Variants in FAAH2 observed in about 807,000 individuals in gnomAD.
FAAH2 encodes fatty acid amide hydrolase 2.
Under a neutral mutation model 36.9 loss-of-function variants are expected in FAAH2, and 60 were observed. The ratio of observed to expected loss-of-function variants is 1.63; its 90% CI spans 1.32 to 2.02. FAAH2 has a LOEUF of 2.02. Among genes scored for constraint, FAAH2 ranks in the 30% most tolerant of loss-of-function variants. The probability of loss-of-function intolerance (pLI) is 0.00; values close to 1 mark genes in which losing one functional copy is unlikely to be tolerated. For synonymous variants in FAAH2, 214 were observed against 143.8 expected, an observed-to-expected ratio of 1.49 and a Z score of -3.49; for missense variants, 689 against 397.5, an observed-to-expected ratio of 1.73 and a Z score of -6.23.
the FAAH2 span, chrX:57,121,703 G>A: frequency 8.9e-6 from 1 of 112,220 alleles, no homozygotes; most frequent in East Asian, 2.8e-4. Context: ...CAAATCCGGA[G>A]TAGTTCGTGC....
chrX:57,364,782 T>G (rs1276409737), intron 5 of FAAH2, among the ~76,000 whole-genome samples: 2 of 111,338 alleles, frequency 1.8e-5, no homozygotes, highest in Admixed American at 9.6e-5. Context: ...AAAAGTTTTT[T>G]TGGTTACTGC....
chrX:57,288,412 C>T (rs1010880534), intron 1 of FAAH2, among the ~76,000 whole-genome samples: 1 of 85,863 alleles, frequency 1.2e-5, no homozygotes, highest in Admixed American at 1.7e-4. Flanking sequence ...TGCAGTGGTG[C>T]GATCTTCGCT....
intron 10 of FAAH2, among the ~76,000 whole-genome samples, chrX:57,461,077 G>C (rs1391563722): frequency 9.1e-6 from 1 of 110,495 alleles, no homozygotes; most frequent in East Asian, 2.8e-4. Flanking sequence ...ATGGTAAAAT[G>C]ATCAATGTAA....
At chrX:57,346,539 G>T (rs1033275138) in intron 5 of FAAH2, among the ~76,000 whole-genome samples, 2 of 112,018 alleles carry the variant, frequency 1.8e-5, no homozygotes, top group African/African-American at 6.5e-5. Context: ...TCCTTGAAGA[G>T]AGCAGATGGT....
At chrX:57,411,837 G>C (rs764966427) in intron 7 of FAAH2, among the ~76,000 whole-genome samples, 47 of 111,821 alleles carry the variant, frequency 4.2e-4, no homozygotes, top group Admixed American at 4.0e-3. Flanking sequence ...TTTACTCTTG[G>C]AGTTTTTTGT....
chrX:57,410,149 G>A (rs1234503281), intron 7 of FAAH2, among the ~76,000 whole-genome samples: 1 of 109,804 alleles, frequency 9.1e-6, no homozygotes, highest in East Asian at 2.8e-4. Context: ...AAGGATATTT[G>A]TTTATTTCTA....
rs745808372 is a variant in FAAH2 at position 57,373,983 on chromosome X, T to C, written c.743-4668T>C. Among the ~76,000 whole-genome samples, 14 of 111,455 alleles carry C rather than the reference T, an allele frequency of 1.3e-4. No individual in the cohort carries two copies. The South Asian group carries it at 5.3e-3, about 42-fold the overall frequency. On this transcript the variant is annotated intron_variant, in intron 5 of 10. Transcript: ENST00000374900. ...TTATTTGTTGAATAGGGTGTCCTTT[T>C]CCCACTTTAGGTTTTTGTTTGCTTT... is the stretch of plus-strand genomic sequence containing the variant.
intron 3 of FAAH2, among the ~76,000 whole-genome samples, chrX:57,317,436 A>T (rs1602252064): frequency 8.9e-6 from 1 of 112,205 alleles, no homozygotes; most frequent in African/African-American, 3.2e-5. Flanking sequence ...TTACATAATC[A>T]TAAAGGGACT....
At chrX:57,292,673 T>C in intron 2 of FAAH2, 93 bp downstream of exon 2, 1 of 702,276 alleles carries the variant, frequency 1.4e-6, no homozygotes, top group Non-Finnish European at 2.1e-6. Context: ...TAGATTCTTC[T>C]TTCTCTTTGT....
At chrX:57,183,526 TG>T in the FAAH2 span, among the ~76,000 whole-genome samples, 1 of 111,871 alleles carries the variant, frequency 8.9e-6, no homozygotes, top group South Asian at 3.7e-4. Context: ...GCTGGAGCCA[TG>T]GCAGAGGAAC....
At chrX:57,481,797 G>T (rs1299396234) in intron 10 of FAAH2, among the ~76,000 whole-genome samples, 1 of 112,302 alleles carries the variant, frequency 8.9e-6, no homozygotes, top group Non-Finnish European at 1.9e-5. Context: ...GTCAGGATTA[G>T]TTGTTCTCTT....
the FAAH2 span, among the ~76,000 whole-genome samples, chrX:57,149,552 T>A: frequency 8.9e-6 from 1 of 111,946 alleles, no homozygotes; most frequent in African/African-American, 3.2e-5. Context: ...CATAGAGGTG[T>A]TCATAGTATT....
the FAAH2 span, among the ~76,000 whole-genome samples, chrX:57,238,648 C>T: frequency 4.5e-5 from 5 of 111,697 alleles, no homozygotes; most frequent in Admixed American, 2.9e-4. Context: ...AAAAAAACTT[C>T]CTTTTAAAAA....
intron 7 of FAAH2, among the ~76,000 whole-genome samples, chrX:57,416,525 A>G (rs755756809): frequency 8.9e-6 from 1 of 111,906 alleles, no homozygotes; most frequent in East Asian, 2.8e-4. Context: ...TGGGTTGAAA[A>G]TTATTTTCTT....
chrX:57,142,056 A>T, the FAAH2 span, among the ~76,000 whole-genome samples: 3 of 111,794 alleles, frequency 2.7e-5, no homozygotes, highest in Non-Finnish European at 5.6e-5. Context: ...TCAAAAAGCC[A>T]GCTTTTTGTT....
chrX:57,123,006 A>AT, the FAAH2 span, among the ~76,000 whole-genome samples: 53 of 111,473 alleles, frequency 4.8e-4, 1 homozygote, highest in African/African-American at 1.6e-3. Flanking sequence ...TTTCATTTTT[A>AT]TTTTTTTAAA....
intron 7 of FAAH2, among the ~76,000 whole-genome samples, chrX:57,387,903 G>C (rs918831502): frequency 3.6e-5 from 4 of 111,307 alleles, no homozygotes; most frequent in Non-Finnish European, 7.6e-5. Flanking sequence ...AATAGAGAAA[G>C]ACATTATTAC....
the FAAH2 span, among the ~76,000 whole-genome samples, chrX:57,157,407 G>A: frequency 8.9e-6 from 1 of 111,991 alleles, no homozygotes; most frequent in African/African-American, 3.2e-5. Flanking sequence ...TCCTACTGGA[G>A]TATCAGATTC....
chrX:57,327,053 A>G (rs2053239347), intron 3 of FAAH2, among the ~76,000 whole-genome samples: 1 of 108,907 alleles, frequency 9.2e-6, no homozygotes, highest in African/African-American at 3.4e-5. Context: ...AAAATCTCTC[A>G]GCATTTGCTT....
Sources: allele counts gnomAD v4.1 joint callset (sites outside exome capture counted in the v4.1 genomes callset), GRCh38; gene constraint gnomAD v4.1.1; transcripts MANE v1.5; gene names NCBI Gene and HGNC (gene_info 2026-07-23, HGNC 2026-07-21).